The following BMPER variants were observed in gnomAD, a reference collection of about 807,000 sequenced individuals.
BMPER encodes BMP-binding endothelial regulator protein.
BMPER carries 45 observed loss-of-function variants against 87.3 expected under a neutral mutation model. The ratio of observed to expected loss-of-function variants is 0.52; its 90% CI spans 0.41 to 0.66. The LOEUF (loss-of-function observed/expected upper bound fraction) is 0.66. Among genes scored for constraint, BMPER ranks in the 30% least tolerant of loss-of-function variants. BMPER has a pLI of 0.00. For missense variants in BMPER, 784 were observed against 867.5 expected (o/e 0.90, Z 1.21); for synonymous variants, 326 against 316.2 (o/e 1.03, Z -0.33).
At chr7:34,129,630 G>GAAAGAAAGAAAGAAAGAAAGAAAGAA (rs1336596665) in intron 13 of BMPER, among the ~76,000 whole-genome samples, 6 of 56,270 alleles carry the variant, frequency 1.1e-4, no homozygotes, top group Non-Finnish European at 1.7e-4. Flanking sequence ...GAGAGAAAGA[G>GAAAGAAAGAAAGAAAGAAAGAAAGAA]AGAAAGAAAG....
chr7:34,047,352 C>T (rs768464416), intron 7 of BMPER, among the ~76,000 whole-genome samples: 5 of 151,890 alleles, frequency 3.3e-5, no homozygotes, highest in African/African-American at 1.2e-4. Context: ...GATCTTGGCT[C>T]GCTGCAACCT....
intron 2 of BMPER, chr7:33,921,982 C>G (rs370708783): frequency 2.5e-5 from 10 of 395,354 alleles, no homozygotes; most frequent in East Asian, 2.2e-4. Flanking sequence ...TGGCAACTTA[C>G]AGCCAGCAGG....
chr7:33,937,509 G>T (rs1468671696), intron 3 of BMPER, 121 bp downstream of exon 3: 3 of 729,926 alleles, frequency 4.1e-6, no homozygotes, highest in African/African-American at 4.4e-5. Flanking sequence ...GGGAGGAGAA[G>T]TAGGGTGTGT....
In BMPER at chr7:34,080,725, A is replaced by G. The variant is rs1486157701; in HGVS notation, c.1408+1539A>G. On this transcript the variant is annotated intron_variant, in intron 12 of 14. Coordinates refer to ENST00000649409, the MANE Select transcript of BMPER (RefSeq NM_001365308.1). ...ACTATTTGCAAGCTAGCTGAACACA[A>G]TAGATTCTACTGATATGGAAATTAT... Among the ~76,000 whole-genome samples, 4 of 152,328 alleles carry G rather than the reference A, an allele frequency of 2.6e-5. 1 individual carries two copies. The South Asian group carries it at 6.2e-4, about 24-fold the overall frequency.
chr7:34,054,229 G>T (rs1788219009), intron 8 of BMPER, among the ~76,000 whole-genome samples: 1 of 152,070 alleles, frequency 6.6e-6, no homozygotes, highest in Non-Finnish European at 1.5e-5. Context: ...GCTTAACATA[G>T]TGCTAGGCAC....
intron 2 of BMPER, among the ~76,000 whole-genome samples, chr7:33,914,534 G>C (rs1317257412): frequency 6.6e-6 from 1 of 152,182 alleles, no homozygotes; most frequent in Non-Finnish European, 1.5e-5. Flanking sequence ...AATGTGTTGG[G>C]CTTGATAGAC....
intron 4 of BMPER, among the ~76,000 whole-genome samples, chr7:33,968,210 T>G (rs1369652883): frequency 6.6e-6 from 1 of 152,144 alleles, no homozygotes; most frequent in Non-Finnish European, 1.5e-5. Context: ...CCTTTCAGTT[T>G]TTCCTCCTTT....
chr7:34,052,987 C>G (rs1199164688), intron 8 of BMPER, among the ~76,000 whole-genome samples: 2 of 152,158 alleles, frequency 1.3e-5, no homozygotes, highest in Non-Finnish European at 2.9e-5. Context: ...ATCCTCAGGA[C>G]TTTTCCTCTC....
intron 3 of BMPER, among the ~76,000 whole-genome samples, chr7:33,961,119 C>T (rs1298030723): frequency 6.6e-6 from 1 of 152,108 alleles, no homozygotes. Flanking sequence ...TGTGCAAAAT[C>T]GCAGGTTGAG....
chr7:34,087,646 A>G (rs944573094), intron 13 of BMPER, among the ~76,000 whole-genome samples: 2 of 152,212 alleles, frequency 1.3e-5, no homozygotes, highest in African/African-American at 4.8e-5. Context: ...AATTGTTGCC[A>G]TCATTTCTTC....
At chr7:34,091,028 G>A (rs1038709025) in intron 13 of BMPER, among the ~76,000 whole-genome samples, 2 of 152,158 alleles carry the variant, frequency 1.3e-5, no homozygotes, top group African/African-American at 4.8e-5. Flanking sequence ...TCCTGTTGAG[G>A]TACTGGGAGG....
intron 6 of BMPER, among the ~76,000 whole-genome samples, chr7:34,023,905 A>G (rs1787266053): frequency 6.6e-6 from 1 of 151,958 alleles, no homozygotes; most frequent in African/African-American, 2.4e-5. Flanking sequence ...TAAGATGTAA[A>G]AGAATATGTT....
At chr7:34,108,623 T>G (rs1430204311) in intron 13 of BMPER, among the ~76,000 whole-genome samples, 1 of 152,230 alleles carries the variant, frequency 6.6e-6, no homozygotes, top group Non-Finnish European at 1.5e-5. Flanking sequence ...AACTTTAGCA[T>G]GGATTTTGAT....
At chr7:34,125,964 T>C (rs994348369) in intron 13 of BMPER, among the ~76,000 whole-genome samples, 1 of 152,226 alleles carries the variant, frequency 6.6e-6, no homozygotes. Context: ...TGCTAGTAAC[T>C]GTGCTGGATG....
chr7:33,974,908 C>A, intron 6 of BMPER, 124 bp downstream of exon 6: 1 of 966,642 alleles, frequency 1.0e-6, no homozygotes. Flanking sequence ...GTCCGTCCCT[C>A]CTGATGTGGA....
At chr7:34,128,585 A>G (rs932505310) in intron 13 of BMPER, among the ~76,000 whole-genome samples, 1 of 152,226 alleles carries the variant, frequency 6.6e-6, no homozygotes, top group Non-Finnish European at 1.5e-5. Context: ...ATGGCATGAT[A>G]GGAATACTTC....
At chr7:33,939,904 A>G in intron 3 of BMPER, 1 of 232,890 alleles carries the variant, frequency 4.3e-6, no homozygotes. Context: ...CCTGGGGTGG[A>G]TGTTAATATG....
rs1784246108 is a variant in BMPER, at chr7:33,922,056, G to C, written c.219+15153G>C. 10 of 335,746 alleles carry C rather than the reference G, an allele frequency of 3.0e-5. No homozygotes were observed. The Admixed American group carries it at 3.8e-4, about 13-fold the overall frequency. The allele number at this position is 335,746 out of a possible 1,614,324, so 20.8% of individuals were successfully genotyped here. A position where few individuals can be genotyped will look rare whatever the true frequency, so the allele number is the denominator to read the frequency against. On this transcript the variant is annotated intron_variant, in intron 2 of 14. Coordinates refer to ENST00000649409, the MANE Select transcript of BMPER (RefSeq NM_001365308.1). ...TTAGTTTTCTTCTCTCCCTTTTGCT[G>C]CCCTGTTTCTGCCCACACCTTTCTT... is the stretch of plus-strand genomic sequence containing the variant.
intron 14 of BMPER, among the ~76,000 whole-genome samples, chr7:34,145,269 A>G (rs1372015170): frequency 6.6e-6 from 1 of 152,114 alleles, no homozygotes; most frequent in African/African-American, 2.4e-5. Flanking sequence ...CCCTTGGTGC[A>G]GTCACTAGTC....
Sources: gnomAD v4.1 joint callset for allele counts (sites outside exome capture counted in the v4.1 genomes callset) on GRCh38, gnomAD v4.1.1 for gene constraint, MANE v1.5 for transcripts, NCBI Gene and HGNC (gene_info 2026-07-23, HGNC 2026-07-21) for gene names.